The following MYO16 variants were observed in gnomAD, a reference collection of about 807,000 sequenced individuals.
MYO16 encodes unconventional myosin-XVI.
MYO16 carries 94 observed loss-of-function variants against 205.3 expected under a neutral mutation model. The ratio of observed to expected loss-of-function variants is 0.46; its 90% CI spans 0.39 to 0.54. The LOEUF (loss-of-function observed/expected upper bound fraction) is 0.54. Among genes scored for constraint, MYO16 ranks in the 20% least tolerant of loss-of-function variants. MYO16 has a pLI of 0.00. For synonymous variants in MYO16, 988 were observed against 954.0 expected, an observed-to-expected ratio of 1.04 and a Z score of -0.66; for missense variants, 2,315 against 2,387.5, an observed-to-expected ratio of 0.97 and a Z score of 0.63.
intron 27 of MYO16, among the ~76,000 whole-genome samples, chr13:109,097,995 G>T (rs1275230487): frequency 2.1e-5 from 2 of 96,852 alleles, no homozygotes; most frequent in East Asian, 2.7e-4. Flanking sequence ...GTACTGTCTT[G>T]GTCAGTTCAA....
chr13:108,822,218 T>G (rs390803), intron 8 of MYO16, among the ~76,000 whole-genome samples: 4,238 of 152,282 alleles, frequency 0.028, 182 homozygotes, highest in African/African-American at 0.094. Flanking sequence ...AAGTGGGACA[T>G]AAATTTAATC....
rs568623033 is a variant in MYO16, at chr13:108,739,803, A to G, written c.507+12220A>G. On this transcript the variant is annotated intron_variant, in intron 4 of 34. Transcript: ENST00000457511. Reference sequence around the variant, plus strand: ...AGACATAGATTTGGTCTTTTCACATAGTCCCATATTTCTTGGAGGCTTTGT... The same window carrying G: ...AGACATAGATTTGGTCTTTTCACATGGTCCCATATTTCTTGGAGGCTTTGT... Among the ~76,000 whole-genome samples the G allele has an allele frequency of 3.3e-3, 503 of 152,300 alleles. 2 individuals are homozygous for G. The highest frequency in any genetic ancestry group is 0.027 in the Middle Eastern group (8 of 294).
At chr13:108,714,623 G>T (rs9520978) in intron 3 of MYO16, among the ~76,000 whole-genome samples, 48,016 of 135,098 alleles carry the variant, frequency 0.36, 7,807 homozygotes, top group South Asian at 0.42. Context: ...TATATATATA[G>T]AGAGAGAGAG....
Position 108,731,297 on chromosome 13 carries a change from A to G in MYO16, c.507+3714A>G, listed in dbSNP as rs150419868. Among the ~76,000 whole-genome samples, 6 of 152,360 alleles carry G rather than the reference A, an allele frequency of 3.9e-5. No homozygotes were observed. In the East Asian group the frequency reaches 9.6e-4, roughly 24 times the overall value. On this transcript the variant is annotated intron_variant, in intron 4 of 34. Coordinates refer to ENST00000457511, the MANE Select transcript of MYO16 (RefSeq NM_001198950.3). ...TTGAATATCATCTCTCAAGCTACAT[A>G]TATGAATCAACAAATGAATGAAAGA...
intron 32 of MYO16, among the ~76,000 whole-genome samples, chr13:109,146,851 A>T (rs1466032205): frequency 1.3e-5 from 2 of 151,886 alleles, no homozygotes; most frequent in East Asian, 3.8e-4. Context: ...AAGAGAAAGA[A>T]AAAAAGAAAG....
chr13:108,774,581 G>C (rs557803771), intron 4 of MYO16, among the ~76,000 whole-genome samples: 1 of 152,084 alleles, frequency 6.6e-6, no homozygotes, highest in African/African-American at 2.4e-5. Flanking sequence ...GCCAAACTTA[G>C]AGACGTGCCT....
At chr13:109,022,814 A>G in intron 23 of MYO16, among the ~76,000 whole-genome samples, 1 of 135,246 alleles carries the variant, frequency 7.4e-6, no homozygotes, top group South Asian at 2.3e-4. Context: ...ATATTTATAT[A>G]TTATACTCAA....
intron 12 of MYO16, among the ~76,000 whole-genome samples, chr13:108,877,771 TTC>T (rs1354970507): frequency 6.6e-6 from 1 of 152,234 alleles, no homozygotes; most frequent in Non-Finnish European, 1.5e-5. Context: ...GCTTATACAC[TTC>T]TCTGTCTTTG....
At chr13:109,109,804 A>AT (rs367671414) in intron 28 of MYO16, among the ~76,000 whole-genome samples, 353 of 152,316 alleles carry the variant, frequency 2.3e-3, no homozygotes, top group African/African-American at 8.0e-3. Flanking sequence ...AGTTCACAAA[A>AT]TTAGATGGGA....
intron 9 of MYO16, among the ~76,000 whole-genome samples, chr13:108,834,529 G>T (rs896784219): frequency 2.6e-5 from 4 of 151,448 alleles, no homozygotes; most frequent in Non-Finnish European, 2.9e-5. Flanking sequence ...TGAGCTGAGA[G>T]AAGAAGGTTA....
intron 2 of MYO16, among the ~76,000 whole-genome samples, chr13:108,683,374 C>T (rs780747617): frequency 2.6e-5 from 4 of 151,952 alleles, no homozygotes; most frequent in Non-Finnish European, 4.4e-5. Flanking sequence ...TAGCCTTTGA[C>T]GACAGACAGT....
chr13:108,544,621 G>C, the MYO16 span, among the ~76,000 whole-genome samples: 2 of 152,234 alleles, frequency 1.3e-5, no homozygotes, highest in East Asian at 1.9e-4. Context: ...CCTATATAAA[G>C]AGCTTAAATA....
chr13:108,776,068 C>T (rs1886114621), intron 4 of MYO16, among the ~76,000 whole-genome samples: 2 of 152,112 alleles, frequency 1.3e-5, no homozygotes. Context: ...TTTACTCTAG[C>T]CTGCCAAGGA....
At chr13:108,691,739 T>C (rs1395758313) in intron 2 of MYO16, among the ~76,000 whole-genome samples, 1 of 152,236 alleles carries the variant, frequency 6.6e-6, no homozygotes, top group African/African-American at 2.4e-5. Flanking sequence ...GTAATACTTG[T>C]CACTTTCTTA....
At chr13:108,730,782 A>C (rs1445374129) in intron 4 of MYO16, among the ~76,000 whole-genome samples, 1 of 152,174 alleles carries the variant, frequency 6.6e-6, no homozygotes, top group African/African-American at 2.4e-5. Context: ...TTGTTGTCCT[A>C]ACTAGGAATA....
chr13:109,016,330 G>A (rs918319438), intron 22 of MYO16, among the ~76,000 whole-genome samples: 1 of 152,188 alleles, frequency 6.6e-6, no homozygotes, highest in Non-Finnish European at 1.5e-5. Flanking sequence ...CTGAGAGACA[G>A]TTTGTTGTGA....
chr13:108,547,927 C>T, the MYO16 span, among the ~76,000 whole-genome samples: 1 of 152,116 alleles, frequency 6.6e-6, no homozygotes, highest in Admixed American at 6.5e-5. Context: ...TGTATACTTT[C>T]CAAAAGACAG....
At chr13:109,168,360 A>C (rs1183682389) in intron 33 of MYO16, among the ~76,000 whole-genome samples, 2 of 152,174 alleles carry the variant, frequency 1.3e-5, no homozygotes, top group Non-Finnish European at 2.9e-5. Flanking sequence ...AAGGGATAGA[A>C]AAGAAAAAGA....
At chr13:108,500,231 TGTTTTTTTTGTTTTTTTTTTTTG>T in the MYO16 span, among the ~76,000 whole-genome samples, 1 of 6,530 alleles carries the variant, frequency 1.5e-4, no homozygotes, top group Non-Finnish European at 4.0e-4. Flanking sequence ...GTTTTTTTTT[TGTTTTTTTTGTTTTTTTTTTTTG>T]AGACGGAGTC....
Sources: allele counts gnomAD v4.1 joint callset (sites outside exome capture counted in the v4.1 genomes callset), GRCh38; gene constraint gnomAD v4.1.1; transcripts MANE v1.5; gene names NCBI Gene and HGNC (gene_info 2026-07-23, HGNC 2026-07-21).